FGF12: variants seen among roughly 807,000 people sequenced by gnomAD.
FGF12 encodes fibroblast growth factor 12, also known as fibroblast growth factor 12B.
A neutral mutation model predicts 23.6 loss-of-function variants in FGF12; 14 were observed. The ratio of observed to expected loss-of-function variants is 0.59; its 90% CI spans 0.39 to 0.93. FGF12 has a LOEUF of 0.93. Ranked by LOEUF, FGF12 falls within the 40% of genes least tolerant of loss-of-function variation. The probability of loss-of-function intolerance (pLI) is 0.00; values close to 1 mark genes in which losing one functional copy is unlikely to be tolerated. For missense variants in FGF12, 175 were observed against 217.8 expected (o/e 0.80, Z 1.24); for synonymous variants, 62 against 77.3 (o/e 0.80, Z 1.04).
intron 2 of FGF12, among the ~76,000 whole-genome samples, chr3:192,575,517 A>C (rs13320454): frequency 0.2 from 29,935 of 152,108 alleles, 3,112 homozygotes; most frequent in Middle Eastern, 0.32. Flanking sequence ...GAGGAGGAGA[A>C]GAAAGAGGAG....
intron 2 of FGF12, among the ~76,000 whole-genome samples, chr3:192,488,870 T>C (rs991248015): frequency 2.6e-5 from 4 of 152,122 alleles, no homozygotes; most frequent in African/African-American, 9.7e-5. Flanking sequence ...TTCTGTGCAC[T>C]AACTCAACTG....
chr3:192,641,398 C>T (rs1160863482), intron 2 of FGF12, among the ~76,000 whole-genome samples: 1 of 50,560 alleles, frequency 2.0e-5, no homozygotes, highest in East Asian at 1.2e-3. Context: ...AGCCACCGCG[C>T]CCGGCCTTTT....
Position 192,409,207 on chromosome 3 carries a change from C to T in FGF12, c.14-48669G>A, listed in dbSNP as rs1285421822. On this transcript the variant is annotated intron_variant, in intron 2 of 5. Coordinates refer to ENST00000445105, the MANE Select transcript of FGF12 (RefSeq NM_004113.6). This position sits in a 1 kb window ranked among gnomAD's most constrained non-coding sequence, Gnocchi z 4.8. ...TTTCCGCTTGCTTTCCGGCACGAGA[C>T]GGGCACAGTTGGTGATTATTTAGGG... Among the ~76,000 whole-genome samples the T allele has an allele frequency of 2.6e-5, 4 of 152,162 alleles. No homozygotes were observed. The East Asian group carries it at 7.7e-4, about 29-fold the overall frequency.
intron 2 of FGF12, among the ~76,000 whole-genome samples, chr3:192,470,814 T>A (rs1723151330): frequency 1.3e-5 from 2 of 152,166 alleles, no homozygotes; most frequent in African/African-American, 4.8e-5. Flanking sequence ...TTTACGCCAG[T>A]CACTGTAGCC....
At chr3:192,464,853 C>G (rs1722966510) in intron 2 of FGF12, among the ~76,000 whole-genome samples, 1 of 152,056 alleles carries the variant, frequency 6.6e-6, no homozygotes, top group Admixed American at 6.6e-5. Flanking sequence ...AGACACACCT[C>G]TGAGAGGTCT....
chr3:192,260,951 G>GTA (rs1197033253), intron 4 of FGF12, among the ~76,000 whole-genome samples: 2 of 152,134 alleles, frequency 1.3e-5, no homozygotes, highest in African/African-American at 4.8e-5. Context: ...AACCAAGGAT[G>GTA]TATAGGGTTT....
intron 2 of FGF12, among the ~76,000 whole-genome samples, chr3:192,478,364 T>C (rs116535421): frequency 0.011 from 1,641 of 152,232 alleles, 22 homozygotes; most frequent in African/African-American, 0.037. Flanking sequence ...ATCCAGCCCC[T>C]GGCCCAACTC....
At chr3:192,229,490 G>T (rs1718909735) in intron 4 of FGF12, among the ~76,000 whole-genome samples, 1 of 152,004 alleles carries the variant, frequency 6.6e-6, no homozygotes, top group Non-Finnish European at 1.5e-5. Flanking sequence ...AATCAAGTGT[G>T]TGTTGATCAT....
In FGF12 at chr3:192,336,068, C is replaced by G. The variant is rs1283689325; in HGVS notation, c.125-604G>C. On this transcript the variant is annotated intron_variant, in intron 3 of 5. Transcript: ENST00000445105. The surrounding 1 kb of genome is among the most constrained non-coding windows in gnomAD (Gnocchi z 4.3). ...AGATGGACAGATGATTGATAGATAG[C>G]TTAAGCTGTAATGGATATATTTTAT... 6.7e-6 allele frequency among the ~76,000 whole-genome samples: 1 copy of G among 150,030 alleles called. No individual in the cohort carries two copies. Among genetic ancestry groups the G allele is most frequent in the African/African-American group, 2.5e-5 (1 of 40,598 alleles).
At chr3:192,297,062 G>A (rs2108655617) in intron 4 of FGF12, among the ~76,000 whole-genome samples, 1 of 152,220 alleles carries the variant, frequency 6.6e-6, no homozygotes, top group Admixed American at 6.5e-5. Flanking sequence ...CATGGTTATT[G>A]CTCACCCTTT....
intron 2 of FGF12, among the ~76,000 whole-genome samples, chr3:192,679,860 G>T (rs1277697271): frequency 6.6e-6 from 1 of 152,174 alleles, no homozygotes; most frequent in Non-Finnish European, 1.5e-5. Context: ...GGGAGCCGAG[G>T]ACTTTATGTT....
intron 2 of FGF12, among the ~76,000 whole-genome samples, chr3:192,400,705 T>C (rs186093429): frequency 8.5e-5 from 13 of 152,252 alleles, no homozygotes; most frequent in Admixed American, 8.5e-4. Flanking sequence ...AGTTGGGTAA[T>C]TACATTATTT....
intron 2 of FGF12, among the ~76,000 whole-genome samples, chr3:192,647,281 G>T (rs1286010555): frequency 6.6e-6 from 1 of 151,982 alleles, no homozygotes; most frequent in Non-Finnish European, 1.5e-5. Context: ...ACACATTGGG[G>T]TTTTAATGAG....
At position 192,253,824 on chromosome 3, in the gene FGF12, A is replaced by T. The variant is rs116268289; in HGVS notation, c.228+81537T>A. Reference sequence around the variant, plus strand: ...AAATGAATCATGTATTATTGTTAACATAAGATTTGTCATTCATTTATAACT... The same window carrying T: ...AAATGAATCATGTATTATTGTTAACTTAAGATTTGTCATTCATTTATAACT... On this transcript the variant is annotated intron_variant, in intron 4 of 5. Transcript: ENST00000445105. 6.6e-3 allele frequency among the ~76,000 whole-genome samples: 1,010 copies of T among 152,224 alleles called. 4 individuals are homozygous for T. Among genetic ancestry groups the T allele is most frequent in the African/African-American group, 0.023 (967 of 41,572 alleles).
At chr3:192,323,059 A>G (rs914084666) in intron 4 of FGF12, among the ~76,000 whole-genome samples, 1 of 152,218 alleles carries the variant, frequency 6.6e-6, no homozygotes, top group Admixed American at 6.5e-5. Context: ...GTTATCCAAA[A>G]GACAGGCAAC....
intron 4 of FGF12, among the ~76,000 whole-genome samples, chr3:192,201,596 C>G (rs1220792346): frequency 6.6e-6 from 1 of 152,154 alleles, no homozygotes; most frequent in Non-Finnish European, 1.5e-5. Flanking sequence ...TGAATAGGAA[C>G]CCAGTCTTAT....
chr3:192,457,040 G>A (rs1478612484), intron 2 of FGF12, among the ~76,000 whole-genome samples: 2 of 152,172 alleles, frequency 1.3e-5, no homozygotes. Flanking sequence ...CATGAGATCT[G>A]TTGGTTTTAT....
At chr3:192,276,972 A>G (rs2108635105) in intron 4 of FGF12, among the ~76,000 whole-genome samples, 1 of 152,308 alleles carries the variant, frequency 6.6e-6, no homozygotes. Context: ...TTTCTACAGG[A>G]TACTGTCCAT....
At chr3:192,475,257 C>T (rs1414434428) in intron 2 of FGF12, among the ~76,000 whole-genome samples, 6 of 152,220 alleles carry the variant, frequency 3.9e-5, no homozygotes, top group Admixed American at 3.9e-4. Context: ...TAACCCTAAT[C>T]AGTGGTCCAT....
Sources: allele counts gnomAD v4.1 joint callset (sites outside exome capture counted in the v4.1 genomes callset), GRCh38; gene constraint gnomAD v4.1.1; non-coding constraint Gnocchi (gnomAD v3.1); transcripts MANE v1.5; gene names NCBI Gene and HGNC (gene_info 2026-07-23, HGNC 2026-07-21).